KLHL13: variants seen among roughly 807,000 people sequenced by gnomAD.
The protein encoded by KLHL13 is kelch like family member 13.
KLHL13 carries 10 observed loss-of-function variants against 37.1 expected under a neutral mutation model. The observed-to-expected ratio is 0.27, with a 90% CI of 0.17 to 0.46. KLHL13 has a LOEUF of 0.46. KLHL13 is among the 20% of genes least tolerant of loss of function. KLHL13 has a pLI of 1.00. For synonymous variants in KLHL13, 163 were observed against 181.2 expected, an observed-to-expected ratio of 0.90 and a Z score of 0.81; for missense variants, 360 against 509.3, an observed-to-expected ratio of 0.71 and a Z score of 2.82.
chrX:118,000,984 C>A (rs990268698), intron 1 of KLHL13, among the ~76,000 whole-genome samples: 22 of 111,693 alleles, frequency 2.0e-4, no homozygotes, highest in Non-Finnish European at 4.0e-4. Context: ...TGATTAACAT[C>A]GTAAATTTAA....
intron 4 of KLHL13, 43 bp downstream of exon 5, chrX:117,919,478 T>C (rs1931571782): frequency 7.5e-6 from 8 of 1,066,745 alleles, no homozygotes; most frequent in Non-Finnish European, 9.1e-6. Flanking sequence ...ACAGGCTACA[T>C]CAGAGTCTAC....
chrX:118,110,371 C>CTTTTTTTTTTTTTTTTTTTTTT (rs1479012364), intron 1 of KLHL13, among the ~76,000 whole-genome samples: 1 of 98,314 alleles, frequency 1.0e-5, no homozygotes, highest in African/African-American at 3.9e-5. Context: ...TTTTCTATTT[C>CTTTTTTTTTTTTTTTTTTTTTT]TTTTTCTTTT....
At chrX:118,097,423 T>A (rs2055224218) in intron 1 of KLHL13, among the ~76,000 whole-genome samples, 1 of 110,916 alleles carries the variant, frequency 9.0e-6, no homozygotes, top group Non-Finnish European at 1.9e-5. Flanking sequence ...CTCAAGCAAA[T>A]AAAAGAGGAT....
intron 1 of KLHL13, among the ~76,000 whole-genome samples, chrX:118,022,276 T>G (rs1602659190): frequency 1.8e-5 from 2 of 112,058 alleles, no homozygotes; most frequent in South Asian, 7.5e-4. Flanking sequence ...TCTTAGCTAT[T>G]GTGTATAATG....
intron 1 of KLHL13, among the ~76,000 whole-genome samples, chrX:118,043,618 TAGAA>T (rs1457245552): frequency 9.0e-6 from 1 of 111,708 alleles, no homozygotes; most frequent in Non-Finnish European, 1.9e-5. Flanking sequence ...ATAATATCAA[TAGAA>T]GGAAGGACAA....
chrX:118,111,041 C>A (rs1427192568), intron 1 of KLHL13, among the ~76,000 whole-genome samples: 1 of 112,115 alleles, frequency 8.9e-6, no homozygotes, highest in Non-Finnish European at 1.9e-5. Flanking sequence ...CTATTATGAG[C>A]AAGCTATTGG....
rs948596602 is a variant in KLHL13 at position 118,085,598 on chromosome X, T to C, written c.-56+30910A>G. ...CTCATTCTCCTCCCAATCTCCCTCC[T>C]TCTGAGATTCCAGTGTCCATGATAT... On this transcript the variant is annotated intron_variant, in intron 1 of 6. Transcript: ENST00000371882. 2.7e-5 allele frequency among the ~76,000 whole-genome samples: 3 copies of C among 110,267 alleles called. 1 individual carries two copies. Among genetic ancestry groups the C allele is most frequent in the African/African-American group, 9.9e-5 (3 of 30,247 alleles).
chrX:118,083,972 T>C (rs768089764), intron 1 of KLHL13, among the ~76,000 whole-genome samples: 1 of 110,449 alleles, frequency 9.1e-6, no homozygotes, highest in South Asian at 3.8e-4. Flanking sequence ...AATGGAGAAA[T>C]AATAAAAAAC....
chrX:117,966,387 C>G (rs1602606059), intron 1 of KLHL13, among the ~76,000 whole-genome samples: 1 of 110,637 alleles, frequency 9.0e-6, no homozygotes, highest in East Asian at 2.8e-4. Flanking sequence ...GAACTACAAA[C>G]CACTGCTCAA....
At chrX:118,073,112 C>T (rs182296277) in intron 1 of KLHL13, among the ~76,000 whole-genome samples, 48 of 109,201 alleles carry the variant, frequency 4.4e-4, no homozygotes, top group Non-Finnish European at 8.0e-4. Flanking sequence ...AAAAACCCCA[C>T]AAATGAAGAA....
intron 5 of KLHL13, among the ~76,000 whole-genome samples, chrX:117,905,583 C>A (rs1256837885): frequency 9.0e-6 from 1 of 111,580 alleles, no homozygotes; most frequent in Non-Finnish European, 1.9e-5. Context: ...GGTCCAAGTA[C>A]CCCATGGAAA....
chrX:118,101,748 T>G (rs1033470910), intron 1 of KLHL13, among the ~76,000 whole-genome samples: 1 of 110,875 alleles, frequency 9.0e-6, no homozygotes, highest in South Asian at 3.9e-4. Context: ...CAGGTGCAGT[T>G]TTCCCCATGC....
intron 1 of KLHL13, among the ~76,000 whole-genome samples, chrX:118,039,762 G>T (rs2054488067): frequency 9.0e-6 from 1 of 111,295 alleles, no homozygotes; most frequent in African/African-American, 3.3e-5. Context: ...CCAGGAAGTG[G>T]TTACCATGAG....
intron 1 of KLHL13, among the ~76,000 whole-genome samples, chrX:118,067,007 A>G (rs368774073): frequency 8.9e-6 from 1 of 111,910 alleles, no homozygotes; most frequent in East Asian, 2.8e-4. Flanking sequence ...TGCATCACTT[A>G]ACAATGGGGA....
intron 1 of KLHL13, among the ~76,000 whole-genome samples, chrX:118,052,295 G>A (rs1470879609): frequency 3.8e-5 from 4 of 105,534 alleles, no homozygotes; most frequent in African/African-American, 1.4e-4. Context: ...GGCGGATCAC[G>A]AAGGTCAGGA....
At chrX:118,091,950 T>C (rs2055140827) in intron 1 of KLHL13, among the ~76,000 whole-genome samples, 1 of 111,973 alleles carries the variant, frequency 8.9e-6, no homozygotes, top group African/African-American at 3.2e-5. Flanking sequence ...GTGAAGTAAC[T>C]CAGGAATGGA....
intron 1 of KLHL13, among the ~76,000 whole-genome samples, chrX:118,089,636 A>C (rs189295481): frequency 0.01 from 1,061 of 102,712 alleles, 16 homozygotes; most frequent in African/African-American, 0.037. Context: ...GAAAGAAAGA[A>C]AGAAAGAAAG....
At chrX:118,035,209 AG>A (rs1210919100) in intron 1 of KLHL13, among the ~76,000 whole-genome samples, 1 of 104,780 alleles carries the variant, frequency 9.5e-6, no homozygotes, top group African/African-American at 4.0e-5. Flanking sequence ...TCCAATCAAT[AG>A]AAAAAGAGGG....
chrX:118,080,344 G>A (rs148019971), intron 1 of KLHL13, among the ~76,000 whole-genome samples: 8 of 110,746 alleles, frequency 7.2e-5, no homozygotes, highest in African/African-American at 2.6e-4. Flanking sequence ...CTACAGAATG[G>A]GAGAAAATAC....
Sources: allele counts gnomAD v4.1 joint callset (sites outside exome capture counted in the v4.1 genomes callset), GRCh38; gene constraint gnomAD v4.1.1; transcripts MANE v1.5; gene names NCBI Gene and HGNC (gene_info 2026-07-23, HGNC 2026-07-21).